The following EPHA5 variants were observed in gnomAD, a reference collection of about 807,000 sequenced individuals.
EPHA5 encodes the protein EPH receptor A5.
A neutral mutation model predicts 105.0 loss-of-function variants in EPHA5; 60 were observed. That is an observed-to-expected ratio of 0.57 (90% CI 0.46 to 0.71). The LOEUF (loss-of-function observed/expected upper bound fraction) is 0.71, where lower values mean the gene tolerates loss of function less well. Ranked by LOEUF, EPHA5 falls within the 30% of genes least tolerant of loss-of-function variation. The pLI is 0.00. For missense variants in EPHA5, 1,218 were observed against 1,274.7 expected (o/e 0.96, Z 0.68); for synonymous variants, 513 against 449.1 (o/e 1.14, Z -1.80).
chr4:65,630,989 G>A (rs1449485574), intron 2 of EPHA5, among the ~76,000 whole-genome samples: 4 of 152,178 alleles, frequency 2.6e-5, no homozygotes, highest in South Asian at 4.1e-4. Context: ...GACTGCTTAA[G>A]AGAAAAAGCG....
At chr4:65,560,098 GA>G (rs1738856015) in intron 3 of EPHA5, among the ~76,000 whole-genome samples, 1 of 152,020 alleles carries the variant, frequency 6.6e-6, no homozygotes, top group Non-Finnish European at 1.5e-5. Flanking sequence ...CTGGTGGGAA[GA>G]ATTATAATTT....
chr4:65,327,042 G>C (rs969151156), intron 16 of EPHA5, among the ~76,000 whole-genome samples: 4 of 150,984 alleles, frequency 2.6e-5, no homozygotes, highest in Non-Finnish European at 5.9e-5. Flanking sequence ...GTCTTAACTT[G>C]TTATATTAGA....
rs760043343 is a variant in EPHA5, at chr4:65,365,130, G to A, written c.2060C>T (p.Thr687Ile). Reference protein sequence around the residue: ...GKRELPVAIKTLKVGYTEKQR... With the variant: ...GKRELPVAIKILKVGYTEKQR... ...CTTTTCAGTATAGCCTACTTTAAGG[G>A]TTTTGATAGCCACAGGTAATTCTCT... Residue 687 changes from threonine to isoleucine, a missense_variant, in exon 11 of 17, where the codon ACC becomes ATC. Physicochemically the swap from Thr to Ile is moderately conservative, Grantham distance 89. This residue lies in a region of EPHA5 where 971 missense variants were observed against 1,013.5 expected (regional missense o/e 0.96). Coordinates refer to ENST00000613740, the MANE Select transcript of EPHA5 (RefSeq NM_001281766.3). 3 of 1,611,678 alleles carry A rather than the reference G, an allele frequency of 1.9e-6. No individual in the cohort carries two copies. Among genetic ancestry groups the A allele is most frequent in the Admixed American group, 3.3e-5 (2 of 59,812 alleles).
intron 8 of EPHA5, among the ~76,000 whole-genome samples, chr4:65,399,333 C>T (rs1367189554): frequency 1.3e-5 from 2 of 152,232 alleles, no homozygotes; most frequent in African/African-American, 4.8e-5. Flanking sequence ...TGTGCTCACT[C>T]ACTCATGCAC....
chr4:65,615,188 T>C (rs1745121347), intron 2 of EPHA5, among the ~76,000 whole-genome samples: 1 of 151,702 alleles, frequency 6.6e-6, no homozygotes, highest in Non-Finnish European at 1.5e-5. Context: ...TTAACATATA[T>C]GTAATGAAAG....
At chr4:65,570,756 C>T (rs1489838109) in intron 3 of EPHA5, among the ~76,000 whole-genome samples, 1 of 151,868 alleles carries the variant, frequency 6.6e-6, no homozygotes, top group Admixed American at 6.6e-5. Flanking sequence ...TATTTCTAAC[C>T]ATTGTCATGA....
At position 65,462,145 on chromosome 4, in the gene EPHA5, T is replaced by A. The variant is rs547070733; in HGVS notation, c.1402+28232A>T. 1.7e-3 allele frequency among the ~76,000 whole-genome samples: 260 copies of A among 152,256 alleles called. 1 individual carries two copies. The highest frequency in any genetic ancestry group is 5.7e-3 in the African/African-American group (236 of 41,566). ...GTCTGTGTTGATTTCCGAATTATCA[T>A]CTTTTGAGCACTAATGTGGTCACGG... is the stretch of plus-strand genomic sequence containing the variant. On this transcript the variant is annotated intron_variant, in intron 5 of 16. Transcript: ENST00000613740.
At chr4:65,456,728 A>G (rs549418404) in intron 5 of EPHA5, among the ~76,000 whole-genome samples, 3 of 151,426 alleles carry the variant, frequency 2.0e-5, no homozygotes, top group African/African-American at 7.3e-5. Flanking sequence ...ACATATACAC[A>G]CACACACACA....
intron 2 of EPHA5, among the ~76,000 whole-genome samples, chr4:65,628,063 T>C (rs1560792295): frequency 6.6e-6 from 1 of 152,148 alleles, no homozygotes; most frequent in African/African-American, 2.4e-5. Context: ...GTTTTTATGA[T>C]GTGGTTTTCA....
intron 5 of EPHA5, among the ~76,000 whole-genome samples, chr4:65,431,991 CATAAT>C (rs578149856): frequency 3.0e-4 from 46 of 152,132 alleles, no homozygotes; most frequent in African/African-American, 1.0e-3. Flanking sequence ...TCACTAAAGA[CATAAT>C]AGAATATTAG....
chr4:65,646,997 C>G (rs993860625), intron 1 of EPHA5, among the ~76,000 whole-genome samples: 19 of 151,800 alleles, frequency 1.3e-4, no homozygotes, highest in African/African-American at 4.4e-4. Flanking sequence ...CTCCATTTTC[C>G]CTACTAGTAA....
rs1371005552 is a variant in EPHA5 at position 65,669,703 on chromosome 4, G to T, written c.40C>A (p.Pro14Thr). 2 of 1,296,304 alleles carry T rather than the reference G, an allele frequency of 1.5e-6. No individual in the cohort carries two copies. The highest frequency in any genetic ancestry group is 3.0e-5 in the East Asian group (1 of 33,348). 80.3% of individuals were successfully genotyped at this position (1,296,304 alleles called of 1,614,324 possible). A position where few individuals can be genotyped will look rare whatever the true frequency, so the allele number is the denominator to read the frequency against. ...GGGGTGTCGCCGCCGCCGCTTGGGGGCCGCCGGCGTCCCGCACCCCGGGGC... is the reference window on the plus strand; with the variant it reads ...GGGGTGTCGCCGCCGCCGCTTGGGGTCCGCCGGCGTCCCGCACCCCGGGGC... ...SGPRGAGRRR[P>T]PSGGGDTPIT... Residue 14 changes from proline (P) to threonine (T), a missense_variant, in exon 1 of 17, where the codon CCC (proline) becomes ACC (threonine). Pro to Thr is a conservative substitution (Grantham distance 38, BLOSUM62 -1). Transcript: ENST00000613740.
intron 5 of EPHA5, 97 bp downstream of exon 5, chr4:65,490,280 A>G: frequency 1.6e-6 from 2 of 1,229,656 alleles, no homozygotes; most frequent in Middle Eastern, 2.6e-4. Flanking sequence ...TTGAGGGAAA[A>G]TTCTCACACA....
At chr4:65,379,193 T>C (rs1010157837) in intron 8 of EPHA5, among the ~76,000 whole-genome samples, 1 of 151,748 alleles carries the variant, frequency 6.6e-6, no homozygotes, top group Non-Finnish European at 1.5e-5. Context: ...AAGAAACACA[T>C]AAACAATTCT....
rs549380830 is a variant in EPHA5 at position 65,523,169 on chromosome 4, C to T, written c.911-27626G>A. Among the ~76,000 whole-genome samples the T allele has an allele frequency of 9.2e-5, 14 of 151,880 alleles. No homozygotes were observed. The South Asian group carries it at 2.1e-3, about 22-fold the overall frequency. ...TGCTATGTCATATATTCATATATTA[C>T]ATATTTTAACATTTAGTTAGAATCT... On this transcript the variant is annotated intron_variant, in intron 3 of 16. Transcript: ENST00000613740.
At chr4:65,521,541 A>G (rs1029028521) in intron 3 of EPHA5, among the ~76,000 whole-genome samples, 7 of 151,958 alleles carry the variant, frequency 4.6e-5, no homozygotes, top group Non-Finnish European at 1.5e-5. Flanking sequence ...AGCAAAGGTT[A>G]AAATCTGTTA....
chr4:65,443,837 G>A (rs750933527), intron 5 of EPHA5, among the ~76,000 whole-genome samples: 1 of 152,058 alleles, frequency 6.6e-6, no homozygotes. Context: ...AGCAATAGCA[G>A]AGTAGCCTAT....
chr4:65,446,532 G>A (rs1273827702), intron 5 of EPHA5, among the ~76,000 whole-genome samples: 3 of 152,140 alleles, frequency 2.0e-5, no homozygotes, highest in Non-Finnish European at 1.5e-5. Context: ...TAACTATAGT[G>A]GTAGGATAGT....
chr4:65,348,703 ATATATGTGTGTGT>A (rs1172915552), intron 13 of EPHA5, among the ~76,000 whole-genome samples: 1 of 125,074 alleles, frequency 8.0e-6, no homozygotes, highest in African/African-American at 3.0e-5. Flanking sequence ...TATATAAAAT[ATATATGTGTGTGT>A]ATATATATGT....
Sources: gnomAD v4.1 joint callset for allele counts (sites outside exome capture counted in the v4.1 genomes callset) on GRCh38, gnomAD v4.1.1 for gene constraint, gnomAD v4.1.1 regional missense constraint, MANE v1.5 for transcripts, NCBI Gene and HGNC (gene_info 2026-07-23, HGNC 2026-07-21) for gene names.